COL6A6: variants seen among roughly 807,000 people sequenced by gnomAD.
COL6A6 encodes the protein collagen type VI alpha 6 chain.
Under a neutral mutation model 208.6 loss-of-function variants are expected in COL6A6, and 183 were observed. The ratio of observed to expected loss-of-function variants is 0.88; its 90% confidence interval spans 0.78 to 0.99. The LOEUF (loss-of-function observed/expected upper bound fraction) is 0.99, where lower values mean the gene tolerates loss of function less well. Ranked by LOEUF, COL6A6 falls within the 50% of genes least tolerant of loss-of-function variation. COL6A6 has a pLI of 0.00. For synonymous variants in COL6A6, 973 were observed against 1,011.8 expected, an observed-to-expected ratio of 0.96 and a Z score of 0.73; for missense variants, 2,816 against 2,815.2, an observed-to-expected ratio of 1.00 and a Z score of -0.01.
At chr3:130,617,292 CAA>C (rs2064561613) in intron 23 of COL6A6, among the ~76,000 whole-genome samples, 1 of 152,140 alleles carries the variant, frequency 6.6e-6, no homozygotes, top group South Asian at 2.1e-4. Context: ...GAGACTCATA[CAA>C]ACAAACAATT....
At position 130,675,661 on chromosome 3, in the gene COL6A6, A is replaced by G; in HGVS notation, c.*264A>G. 1 of 324,100 alleles carries G rather than the reference A, an allele frequency of 3.1e-6. No homozygotes were observed. The highest frequency in any genetic ancestry group is 1.0e-4 in the South Asian group (1 of 9,536). 20.1% of individuals were successfully genotyped at this position (324,100 alleles called of 1,614,324 possible). A position where few individuals can be genotyped will look rare whatever the true frequency, so the allele number is the denominator to read the frequency against. On this transcript the variant is annotated 3_prime_UTR_variant, in exon 37 of 37. Coordinates refer to ENST00000358511, the MANE Select transcript of COL6A6 (RefSeq NM_001102608.3). The stretch of plus-strand genomic sequence containing the variant: ...GTGTTTTGAAAAGTCTAATGGAGAT[A>G]TAATTTGAAGGTAAAATTTATATGA...
rs182994188 is a variant in COL6A6 at position 130,534,385 on chromosome 3, A to G, written c.-32+16988A>G. Among the ~76,000 whole-genome samples, 42 of 152,260 alleles carry G rather than the reference A, an allele frequency of 2.8e-4. No homozygotes were observed. The East Asian group carries it at 3.5e-3, about 13-fold the overall frequency. On this transcript the variant is annotated intron_variant, in intron 1 of 36. Coordinates refer to ENST00000358511, the MANE Select transcript of COL6A6 (RefSeq NM_001102608.3). Reference sequence around the variant, plus strand: ...TCAGTGATTTCATATTGATTCATAGATTAAATATATTACTCCTTATAGTAG... The same window carrying G: ...TCAGTGATTTCATATTGATTCATAGGTTAAATATATTACTCCTTATAGTAG...
At chr3:130,663,578 G>T (rs1471110060) in intron 35 of COL6A6, among the ~76,000 whole-genome samples, 1 of 152,184 alleles carries the variant, frequency 6.6e-6, no homozygotes, top group African/African-American at 2.4e-5. Context: ...CATCTCTAAA[G>T]ACTGATAACT....
chr3:130,593,269 G>A lies in COL6A6; in HGVS notation c.4470+17G>A, dbSNP rs2063766520. On this transcript the variant is annotated intron_variant, in intron 17 of 36. Coordinates refer to ENST00000358511, the MANE Select transcript of COL6A6 (RefSeq NM_001102608.3). The stretch of plus-strand genomic sequence containing the variant: ...GGATCTCAGGTAGGGATTTGAAAAG[G>A]AAGAACATAAAAATTGTACTGGGGA... 11 of 1,599,092 alleles carry A rather than the reference G, an allele frequency of 6.9e-6. No homozygotes were observed. The highest frequency in any genetic ancestry group is 1.7e-5 in the Admixed American group (1 of 59,960).
At chr3:130,644,754 G>A (rs2065419896) in intron 31 of COL6A6, among the ~76,000 whole-genome samples, 1 of 152,296 alleles carries the variant, frequency 6.6e-6, no homozygotes, top group Non-Finnish European at 1.5e-5. Flanking sequence ...ACAGCTGGCT[G>A]CAGGCCGCTG....
chr3:130,651,030 A>T (rs1416749936), intron 33 of COL6A6, among the ~76,000 whole-genome samples: 1 of 152,208 alleles, frequency 6.6e-6, no homozygotes, highest in African/African-American at 2.4e-5. Context: ...TATATTTCTC[A>T]TCTGTAAAAT....
chr3:130,576,587 G>C (rs2063303468), intron 8 of COL6A6, among the ~76,000 whole-genome samples: 3 of 151,678 alleles, frequency 2.0e-5, no homozygotes. Context: ...TGTGATGAAA[G>C]AAAACCATGT....
chr3:130,612,898 A>T (rs1222420802), intron 23 of COL6A6, among the ~76,000 whole-genome samples: 1 of 152,152 alleles, frequency 6.6e-6, no homozygotes, highest in Non-Finnish European at 1.5e-5. Flanking sequence ...AGTTTGCTTA[A>T]GTTCCTTAAG....
chr3:130,589,202 A>T lies in COL6A6; in HGVS notation c.4218+20A>T, dbSNP rs527333358. ...AAAAGGGTGATTTTAGCTCAGATTT[A>T]TGGGTTACTTTGAGTTGTAGTATGT... On this transcript the variant is annotated intron_variant, in intron 12 of 36. Transcript: ENST00000358511. 1 of 1,575,854 alleles carries T rather than the reference A, an allele frequency of 6.3e-7. No homozygotes were observed. The highest frequency in any genetic ancestry group is 1.3e-5 in the African/African-American group (1 of 74,330).
In COL6A6 at chr3:130,626,811, G is replaced by A. The variant is rs117825376; in HGVS notation, c.4941+264G>A. Among the ~76,000 whole-genome samples, 59 of 152,218 alleles carry A rather than the reference G, an allele frequency of 3.9e-4. No homozygotes were observed. The East Asian group carries it at 0.01, about 26-fold the overall frequency. On this transcript the variant is annotated intron_variant, in intron 25 of 36. Coordinates refer to ENST00000358511, the MANE Select transcript of COL6A6 (RefSeq NM_001102608.3). ...AACAAAACTTGTCTTCAGCAATCCCGTAACCCTTTTTCCAGCCTTTCCTTT... is the reference window on the plus strand; with the variant it reads ...AACAAAACTTGTCTTCAGCAATCCCATAACCCTTTTTCCAGCCTTTCCTTT...
At chr3:130,596,442 A>G (rs956542110) in intron 18 of COL6A6, among the ~76,000 whole-genome samples, 19 of 152,334 alleles carry the variant, frequency 1.2e-4, no homozygotes, top group African/African-American at 3.6e-4. Context: ...AGAGCTTTCT[A>G]TTTTAAAAGA....
In COL6A6 at chr3:130,563,058, G is replaced by C; in HGVS notation, c.65-10G>C. The C allele has an allele frequency of 6.3e-7, 1 of 1,588,318 alleles. No homozygotes were observed. Among genetic ancestry groups the C allele is most frequent in the Non-Finnish European group, 8.6e-7 (1 of 1,165,052 alleles). ...GTTTTTGGTTCGTTCATATGTTTGT[G>C]GTTTTGCAGGCCCTGAGTATGCAGA... On this transcript the variant is annotated splice_polypyrimidine_tract_variant and intron_variant, in intron 2 of 36. Transcript: ENST00000358511.
chr3:130,594,132 A>AT (rs1439996532), intron 17 of COL6A6, 149 bp from the exon 18 acceptor site: 1 of 651,176 alleles, frequency 1.5e-6, no homozygotes, highest in Non-Finnish European at 2.6e-6. Flanking sequence ...CTTGAAACTA[A>AT]TTTTTTCGGT....
chr3:130,622,814 A>G (rs998934906), intron 24 of COL6A6, among the ~76,000 whole-genome samples: 2 of 151,964 alleles, frequency 1.3e-5, no homozygotes, highest in African/African-American at 4.8e-5. Context: ...CTGAGATCGC[A>G]CCACCGCACT....
At chr3:130,573,479 CTT>C (rs1477024664) in intron 7 of COL6A6, among the ~76,000 whole-genome samples, 1 of 151,932 alleles carries the variant, frequency 6.6e-6, no homozygotes, top group Non-Finnish European at 1.5e-5. Context: ...GATCATTTGC[CTT>C]TATTTCCTCT....
intron 33 of COL6A6, among the ~76,000 whole-genome samples, chr3:130,652,707 A>G (rs2065680888): frequency 6.6e-6 from 1 of 152,186 alleles, no homozygotes; most frequent in African/African-American, 2.4e-5. Flanking sequence ...TCTTTCTTTT[A>G]TCCATTCTCT....
rs73868909 is a variant in COL6A6, at chr3:130,559,583, A to G, written c.-31-751A>G. ...AATGGATCAATTCATTTTTTGTTCA[A>G]TTAATAAATGAGCAAAAAATAAGCC... On this transcript the variant is annotated intron_variant, in intron 1 of 36. Transcript: ENST00000358511. 4.7e-3 allele frequency among the ~76,000 whole-genome samples: 718 copies of G among 152,340 alleles called. 11 individuals are homozygous for G. Among genetic ancestry groups the G allele is most frequent in the African/African-American group, 0.016 (666 of 41,580 alleles).
chr3:130,541,744 T>C (rs2062368242), intron 1 of COL6A6, among the ~76,000 whole-genome samples: 1 of 152,196 alleles, frequency 6.6e-6, no homozygotes. Context: ...TTGTATAAAA[T>C]TGGTGTAATT....
intron 1 of COL6A6, among the ~76,000 whole-genome samples, chr3:130,527,375 G>C (rs184717230): frequency 4.3e-4 from 65 of 152,298 alleles, no homozygotes; most frequent in Admixed American, 1.9e-3. Flanking sequence ...GTCCTGTTTT[G>C]AAAGACACTA....
Sources: allele counts gnomAD v4.1 joint callset (sites outside exome capture counted in the v4.1 genomes callset), GRCh38; gene constraint gnomAD v4.1.1; transcripts MANE v1.5; gene names NCBI Gene and HGNC (gene_info 2026-07-23, HGNC 2026-07-21).